FBXL20: variants seen among roughly 807,000 people sequenced by gnomAD.
FBXL20 encodes F-box/LRR-repeat protein 20.
Under a neutral mutation model 64.0 loss-of-function variants are expected in FBXL20, and 11 were observed. The observed-to-expected ratio is 0.17, with a 90% CI of 0.11 to 0.28. The LOEUF (loss-of-function observed/expected upper bound fraction) is 0.28. FBXL20 is among the 10% of genes least tolerant of loss of function. The probability of loss-of-function intolerance (pLI) is 1.00; values close to 1 mark genes in which losing one functional copy is unlikely to be tolerated. For synonymous variants in FBXL20, 184 were observed against 189.0 expected (o/e 0.97, Z 0.22); for missense variants, 303 against 526.2 (o/e 0.58, Z 4.15).
At chr17:39,386,394 C>T (rs2048080520) in intron 1 of FBXL20, among the ~76,000 whole-genome samples, 1 of 152,032 alleles carries the variant, frequency 6.6e-6, no homozygotes, top group South Asian at 2.1e-4. Flanking sequence ...TTTGGGAGGC[C>T]AGGGCGGGGT....
chr17:39,342,450 T>G (rs2047591873), intron 2 of FBXL20, among the ~76,000 whole-genome samples: 1 of 150,662 alleles, frequency 6.6e-6, no homozygotes, highest in South Asian at 2.1e-4. Flanking sequence ...GCACCGTGGC[T>G]CACGCCTGTA....
chr17:39,367,337 G>C (rs1233587365), intron 1 of FBXL20, among the ~76,000 whole-genome samples: 4 of 144,844 alleles, frequency 2.8e-5, no homozygotes, highest in Non-Finnish European at 6.0e-5. Flanking sequence ...TTTTTTTGGA[G>C]ATAGAGTCTC....
chr17:39,279,822 C>A (rs35685690), intron 9 of FBXL20, among the ~76,000 whole-genome samples: 1 of 151,922 alleles, frequency 6.6e-6, no homozygotes, highest in Non-Finnish European at 1.5e-5. Flanking sequence ...CACTTGAGCC[C>A]GGGAGGTGAA....
chr17:39,328,898 T>C (rs1469192304), intron 2 of FBXL20, among the ~76,000 whole-genome samples: 1 of 151,824 alleles, frequency 6.6e-6, no homozygotes, highest in Non-Finnish European at 1.5e-5. Flanking sequence ...TACAAAAAAT[T>C]TAAAAATTAG....
At chr17:39,318,445 A>T (rs1419999211) in intron 2 of FBXL20, among the ~76,000 whole-genome samples, 1 of 152,096 alleles carries the variant, frequency 6.6e-6, no homozygotes, top group African/African-American at 2.4e-5. Context: ...TACCACAATT[A>T]AAAAAACAAA....
intron 1 of FBXL20, among the ~76,000 whole-genome samples, chr17:39,381,796 G>A (rs1164880117): frequency 4.8e-5 from 7 of 144,440 alleles, no homozygotes; most frequent in Admixed American, 6.9e-5. Context: ...CTCTCTGAAG[G>A]GAAAAAAAAA....
intron 7 of FBXL20, among the ~76,000 whole-genome samples, chr17:39,283,246 T>A (rs1421466948): frequency 6.6e-6 from 1 of 152,162 alleles, no homozygotes; most frequent in Non-Finnish European, 1.5e-5. Context: ...CTATTACTGG[T>A]TGAGTATCCC....
intron 1 of FBXL20, among the ~76,000 whole-genome samples, chr17:39,385,819 C>G (rs2048073102): frequency 6.7e-6 from 1 of 149,436 alleles, no homozygotes; most frequent in African/African-American, 2.5e-5. Flanking sequence ...ATCATGAGCT[C>G]AAGAGATCGA....
At chr17:39,296,125 C>G (rs1048246162) in intron 6 of FBXL20, among the ~76,000 whole-genome samples, 1 of 152,000 alleles carries the variant, frequency 6.6e-6, no homozygotes, top group Non-Finnish European at 1.5e-5. Context: ...CTTTATAACA[C>G]TAAGTACTCA....
At chr17:39,294,798 G>T (rs2047070420) in intron 6 of FBXL20, among the ~76,000 whole-genome samples, 1 of 152,028 alleles carries the variant, frequency 6.6e-6, no homozygotes, top group East Asian at 1.9e-4. Flanking sequence ...GATCACCTGA[G>T]GTCAGGAGAT....
chr17:39,327,749 G>A (rs900270775), intron 2 of FBXL20, among the ~76,000 whole-genome samples: 3 of 152,066 alleles, frequency 2.0e-5, no homozygotes, highest in Admixed American at 6.6e-5. Flanking sequence ...CGCCCAGGCT[G>A]TAGTGCAGTG....
At chr17:39,394,269 T>G (rs980102387) in intron 1 of FBXL20, among the ~76,000 whole-genome samples, 1 of 150,178 alleles carries the variant, frequency 6.7e-6, no homozygotes, top group African/African-American at 2.5e-5. Context: ...ACTAGTTAGA[T>G]TACTGAAACT....
chr17:39,322,688 G>A (rs968025562), intron 2 of FBXL20, among the ~76,000 whole-genome samples: 1 of 151,848 alleles, frequency 6.6e-6, no homozygotes, highest in African/African-American at 2.4e-5. Context: ...GTTTTGATAG[G>A]AACACATATC....
chr17:39,261,941 G>A (rs746541260), intron 14 of FBXL20, among the ~76,000 whole-genome samples: 1 of 151,864 alleles, frequency 6.6e-6, no homozygotes, highest in Non-Finnish European at 1.5e-5. Flanking sequence ...GCTAATTTTT[G>A]TATTGTTAGT....
At chr17:39,318,162 G>A (rs2047315055) in intron 2 of FBXL20, among the ~76,000 whole-genome samples, 1 of 152,120 alleles carries the variant, frequency 6.6e-6, no homozygotes, top group Non-Finnish European at 1.5e-5. Context: ...GGGGTAACAG[G>A]AGTTTCATTA....
At chr17:39,383,161 C>CAAAAAAAA (rs544953840) in intron 1 of FBXL20, among the ~76,000 whole-genome samples, 11 of 50,208 alleles carry the variant, frequency 2.2e-4, no homozygotes, top group East Asian at 6.1e-4. Flanking sequence ...GACTCTGTCT[C>CAAAAAAAA]AAAAAAAAAA....
chr17:39,269,518 G>A (rs1251453083), intron 11 of FBXL20, among the ~76,000 whole-genome samples: 2 of 62,128 alleles, frequency 3.2e-5, no homozygotes, highest in Admixed American at 4.3e-4. Flanking sequence ...TTTTTTTTTT[G>A]AGACAGAGTT....
Position 39,270,861 on chromosome 17 carries a change from T to TAAAAAAAA in FBXL20, c.828-13_828-6dup. On this transcript the variant is annotated splice_polypyrimidine_tract_variant and splice_region_variant and intron_variant, in intron 10 of 14. Coordinates refer to ENST00000264658, the MANE Select transcript of FBXL20 (RefSeq NM_032875.3). Reference sequence around the variant, plus strand: ...CATCTTGCCACTTCCAATATTCTGTTAAAAAAAAAAAAAAAACAGTGAAAG... The same window carrying TAAAAAAAA: ...CATCTTGCCACTTCCAATATTCTGTTAAAAAAAAAAAAAAAAAAAAAAAACAGTGAAAG... The TAAAAAAAA allele has an allele frequency of 7.4e-7, 1 of 1,355,348 alleles. No homozygotes were observed. Among genetic ancestry groups the TAAAAAAAA allele is most frequent in the Non-Finnish European group, 1.0e-6 (1 of 1,004,422 alleles). The allele number at this position is 1,355,348 out of a possible 1,614,324, so 84.0% of individuals were successfully genotyped here. A position where few individuals can be genotyped will look rare whatever the true frequency, so the allele number is the denominator to read the frequency against.
intron 9 of FBXL20, among the ~76,000 whole-genome samples, chr17:39,280,567 AAAAT>A (rs71974319): frequency 0.78 from 116,185 of 148,756 alleles, 45,922 homozygotes; most frequent in South Asian, 0.91. Flanking sequence ...ACTTTGCCTC[AAAAT>A]AAATAAATAA....
Sources: gnomAD v4.1 joint callset for allele counts (sites outside exome capture counted in the v4.1 genomes callset) on GRCh38, gnomAD v4.1.1 for gene constraint, MANE v1.5 for transcripts, NCBI Gene and HGNC (gene_info 2026-07-23, HGNC 2026-07-21) for gene names.